Variants in TENM2 observed in about 807,000 individuals in gnomAD.
TENM2 encodes the protein teneurin transmembrane protein 2, also known as teneurin-2.
Under a neutral mutation model 245.2 loss-of-function variants are expected in TENM2, and 52 were observed. The ratio of observed to expected loss-of-function variants is 0.21; its 90% CI spans 0.17 to 0.27. The LOEUF (loss-of-function observed/expected upper bound fraction) is 0.27. Ranked by LOEUF, TENM2 falls within the 10% of genes least tolerant of loss-of-function variation. The probability of loss-of-function intolerance (pLI) is 1.00; values close to 1 mark genes in which losing one functional copy is unlikely to be tolerated. For missense variants in TENM2, 3,046 were observed against 3,666.8 expected (o/e 0.83, Z 4.37); for synonymous variants, 1,363 against 1,438.9 (o/e 0.95, Z 1.19).
At chr5:167,905,912 CATT>C (rs1461514593) in intron 3 of TENM2, among the ~76,000 whole-genome samples, 2 of 152,138 alleles carry the variant, frequency 1.3e-5, no homozygotes, top group East Asian at 3.9e-4. Context: ...CGACAGGGAA[CATT>C]AAGCATAATT....
rs530029879 is a variant in TENM2, at chr5:167,817,988, T to C, written c.503-57998T>C. Among the ~76,000 whole-genome samples the C allele has an allele frequency of 1.1e-4, 16 of 152,308 alleles. No homozygotes were observed. The South Asian group carries it at 3.1e-3, about 30-fold the overall frequency. On this transcript the variant is annotated intron_variant, in intron 2 of 28. Transcript: ENST00000518659. ...TAACTTGGGAGACGGGATGTATAGA[T>C]AAGAAGGATGAAGATTCTAGAGGGT...
chr5:167,886,375 A>G (rs1202940816), intron 3 of TENM2, among the ~76,000 whole-genome samples: 2 of 152,222 alleles, frequency 1.3e-5, no homozygotes, highest in Non-Finnish European at 1.5e-5. Context: ...TCTGAATAGC[A>G]TTTACATGGC....
At chr5:167,003,056 T>C in the TENM2 span, among the ~76,000 whole-genome samples, 1 of 152,206 alleles carries the variant, frequency 6.6e-6, no homozygotes, top group Non-Finnish European at 1.5e-5. Flanking sequence ...TCCTGATTTG[T>C]ACTTGTGGTG....
intron 5 of TENM2, among the ~76,000 whole-genome samples, chr5:168,006,835 C>G (rs1444298575): frequency 6.6e-6 from 1 of 152,114 alleles, no homozygotes; most frequent in Admixed American, 6.5e-5. Context: ...TCAGGATTAC[C>G]ATTGTTTACT....
chr5:167,185,763 C>T, the TENM2 span, among the ~76,000 whole-genome samples: 1 of 151,884 alleles, frequency 6.6e-6, no homozygotes, highest in African/African-American at 2.4e-5. Flanking sequence ...TTCAGATTAA[C>T]CATAAGCCTC....
the TENM2 span, among the ~76,000 whole-genome samples, chr5:167,176,654 T>C: frequency 6.6e-6 from 1 of 152,192 alleles, no homozygotes; most frequent in Non-Finnish European, 1.5e-5. Flanking sequence ...ATCATAACCA[T>C]TGGTACGTAA....
In TENM2 at chr5:167,846,892, C is replaced by T. The variant is rs539015714; in HGVS notation, c.503-29094C>T. On this transcript the variant is annotated intron_variant, in intron 2 of 28. Coordinates refer to ENST00000518659, the Ensembl canonical transcript of TENM2. The stretch of plus-strand genomic sequence containing the variant: ...AGATCGTTGTGCGTTATCCTGAGGA[C>T]AGGAAGGGCACAGCATCAGAGAATC... Among the ~76,000 whole-genome samples the T allele has an allele frequency of 2.6e-5, 4 of 152,282 alleles. No individual in the cohort carries two copies. The East Asian group carries it at 7.7e-4, about 29-fold the overall frequency.
chr5:167,444,091 T>TA (rs1367729468), intron 2 of TENM2, among the ~76,000 whole-genome samples: 1 of 152,106 alleles, frequency 6.6e-6, no homozygotes, highest in African/African-American at 2.4e-5. Flanking sequence ...GGTAGATAAG[T>TA]AAGATAGTCT....
chr5:167,051,388 G>C, the TENM2 span, among the ~76,000 whole-genome samples: 96,512 of 151,522 alleles, frequency 0.64, 32,977 homozygotes, highest in African/African-American at 0.9. Flanking sequence ...TGTGATTTTC[G>C]TTGAGGCTGT....
chr5:167,696,059 AC>A (rs943048921), intron 2 of TENM2, among the ~76,000 whole-genome samples: 5 of 150,734 alleles, frequency 3.3e-5, no homozygotes, highest in Non-Finnish European at 6.0e-5. Flanking sequence ...CAAAAAAAAA[AC>A]AACAACAACA....
At chr5:167,564,781 G>T (rs1215543389) in intron 2 of TENM2, among the ~76,000 whole-genome samples, 2 of 152,116 alleles carry the variant, frequency 1.3e-5, no homozygotes, top group African/African-American at 2.4e-5. Flanking sequence ...GCCAGAAAAG[G>T]CTTTCTTTCA....
chr5:167,219,201 G>A, the TENM2 span, among the ~76,000 whole-genome samples: 2 of 152,152 alleles, frequency 1.3e-5, no homozygotes, highest in South Asian at 4.1e-4. Flanking sequence ...TTGGAAGGCT[G>A]AGATGGGAGG....
chr5:167,105,681 G>A, the TENM2 span, among the ~76,000 whole-genome samples: 2 of 151,502 alleles, frequency 1.3e-5, no homozygotes, highest in South Asian at 4.2e-4. Flanking sequence ...GAGGTCAGGA[G>A]ATCGAGACCA....
At chr5:167,538,493 T>G (rs1190471962) in intron 2 of TENM2, among the ~76,000 whole-genome samples, 4 of 152,236 alleles carry the variant, frequency 2.6e-5, no homozygotes, top group Non-Finnish European at 5.9e-5. Context: ...AAAAGCTGTC[T>G]AGTTTTGTTC....
chr5:167,983,183 GAA>G (rs61167885), intron 4 of TENM2, among the ~76,000 whole-genome samples: 41 of 142,432 alleles, frequency 2.9e-4, no homozygotes, highest in Admixed American at 9.7e-4. Context: ...AAAAGAAGAA[GAA>G]AAAAAAAAAA....
At chr5:168,107,109 A>T (rs1581324852) in intron 9 of TENM2, among the ~76,000 whole-genome samples, 1 of 151,736 alleles carries the variant, frequency 6.6e-6, no homozygotes, top group Non-Finnish European at 1.5e-5. Context: ...TGATGCTGTT[A>T]CCCTCTCTCT....
At chr5:167,382,369 C>A (rs1761142449) in intron 2 of TENM2, among the ~76,000 whole-genome samples, 1 of 152,098 alleles carries the variant, frequency 6.6e-6, no homozygotes. Flanking sequence ...CTCCAGTATG[C>A]CAAGAGAGAA....
At chr5:167,107,059 G>T in the TENM2 span, among the ~76,000 whole-genome samples, 1 of 145,404 alleles carries the variant, frequency 6.9e-6, no homozygotes, top group Non-Finnish European at 1.5e-5. Context: ...AGCCTGGGCA[G>T]CATGGCGAAA....
At chr5:167,424,534 G>A (rs1024451963) in intron 2 of TENM2, among the ~76,000 whole-genome samples, 8 of 152,058 alleles carry the variant, frequency 5.3e-5, no homozygotes, top group South Asian at 2.1e-4. Flanking sequence ...CCGCAATCTC[G>A]TCACTTTTAT....
Sources: gnomAD v4.1 joint callset for allele counts (sites outside exome capture counted in the v4.1 genomes callset) on GRCh38, gnomAD v4.1.1 for gene constraint, MANE v1.5 for transcripts, NCBI Gene and HGNC (gene_info 2026-07-23, HGNC 2026-07-21) for gene names.